Variants in MTREX observed in about 807,000 individuals in gnomAD.
MTREX encodes the protein Mtr4 exosome RNA helicase.
MTREX carries 76 observed loss-of-function variants against 135.4 expected under a neutral mutation model. That is an observed-to-expected ratio of 0.56 (90% CI 0.47 to 0.68). The LOEUF is 0.68. MTREX is among the 30% of genes least tolerant of loss of function. MTREX has a pLI of 0.00. For missense variants in MTREX, 920 were observed against 1,262.1 expected (o/e 0.73, Z 4.11); for synonymous variants, 404 against 401.6 (o/e 1.01, Z -0.07).
chr5:55,350,329 T>C (rs771319415), intron 12 of MTREX, among the ~76,000 whole-genome samples: 24 of 152,344 alleles, frequency 1.6e-4, no homozygotes, highest in South Asian at 6.2e-4. Flanking sequence ...TGTGATAACA[T>C]GTTTCTTGCT....
chr5:55,369,880 G>A (rs1007948684), intron 16 of MTREX, among the ~76,000 whole-genome samples: 3 of 151,262 alleles, frequency 2.0e-5, no homozygotes, highest in African/African-American at 7.3e-5. Flanking sequence ...TAATCTAGCC[G>A]CTCTTCTAAT....
At chr5:55,338,209 A>G (rs1400662014) in intron 5 of MTREX, among the ~76,000 whole-genome samples, 2 of 152,146 alleles carry the variant, frequency 1.3e-5, no homozygotes, top group Non-Finnish European at 2.9e-5. Context: ...GGTTTTTAAT[A>G]AATATTTCTT....
chr5:55,338,490 C>T (rs1342133689), intron 5 of MTREX, among the ~76,000 whole-genome samples: 2 of 150,694 alleles, frequency 1.3e-5, no homozygotes, highest in Non-Finnish European at 3.0e-5. Flanking sequence ...TTCTTTTTTG[C>T]TTTTTCATGC....
Position 55,425,124 on chromosome 5 carries a change from A to G in MTREX, c.*352A>G, listed in dbSNP as rs757810997. 1 of 1,501,390 alleles carries G rather than the reference A, an allele frequency of 6.7e-7. No homozygotes were observed. 93.0% of individuals were successfully genotyped at this position (1,501,390 alleles called of 1,614,324 possible). A position where few individuals can be genotyped will look rare whatever the true frequency, so the allele number is the denominator to read the frequency against. Reference sequence around the variant, plus strand: ...AGTCTTTAAAGGCTTGTACACCAGGAAGAAAGATGCATCCTCTTGCCTTGT... The same window carrying G: ...AGTCTTTAAAGGCTTGTACACCAGGGAGAAAGATGCATCCTCTTGCCTTGT... On this transcript the variant is annotated 3_prime_UTR_variant, in exon 27 of 27. Transcript: ENST00000230640.
chr5:55,338,836 G>A (rs1199992871), intron 5 of MTREX, among the ~76,000 whole-genome samples: 1 of 134,618 alleles, frequency 7.4e-6, no homozygotes, highest in African/African-American at 2.9e-5. Flanking sequence ...TGTCACCCAG[G>A]CTGGAGTACA....
At chr5:55,389,096 T>C (rs1750524859) in intron 19 of MTREX, among the ~76,000 whole-genome samples, 2 of 152,228 alleles carry the variant, frequency 1.3e-5, no homozygotes, top group Admixed American at 1.3e-4. Flanking sequence ...TTTGGTCTCC[T>C]TTTCTTAGTA....
intron 22 of MTREX, among the ~76,000 whole-genome samples, chr5:55,406,456 A>G (rs998044625): frequency 1.3e-5 from 2 of 152,202 alleles, no homozygotes; most frequent in South Asian, 2.1e-4. Context: ...TGAAGGCTCC[A>G]GTGTGAGTCT....
chr5:55,369,919 T>C (rs1360145229), intron 16 of MTREX, among the ~76,000 whole-genome samples: 1 of 151,768 alleles, frequency 6.6e-6, no homozygotes, highest in Non-Finnish European at 1.5e-5. Flanking sequence ...TTTTTTCTTT[T>C]TTTTTTTTTC....
intron 16 of MTREX, among the ~76,000 whole-genome samples, chr5:55,368,952 A>G (rs961150151): frequency 1.3e-5 from 2 of 152,176 alleles, no homozygotes; most frequent in African/African-American, 4.8e-5. Flanking sequence ...AAATCATATT[A>G]CATTTTATTA....
chr5:55,424,436 C>T (rs1030514920), intron 26 of MTREX: 9 of 222,412 alleles, frequency 4.0e-5, no homozygotes, highest in East Asian at 1.8e-4. Context: ...TGAGCTACTG[C>T]GCCCGACCTA....
intron 16 of MTREX, among the ~76,000 whole-genome samples, chr5:55,371,989 G>T (rs552719304): frequency 2.6e-5 from 4 of 151,952 alleles, no homozygotes; most frequent in Non-Finnish European, 5.9e-5. Flanking sequence ...AAATCTTCCT[G>T]GATGCTTCCC....
In MTREX at chr5:55,424,710, T is replaced by C. The variant is rs768430976; in HGVS notation, c.3077-10T>C. 1 of 1,607,092 alleles carries C rather than the reference T, an allele frequency of 6.2e-7. No individual in the cohort carries two copies. Among genetic ancestry groups the C allele is most frequent in the East Asian group, 2.2e-5 (1 of 44,822 alleles). ...CTTGAAAGTTTAAACCTTACTTTCT[T>C]TTCTCTTAGGAATCACCAAAATCAA... On this transcript the variant is annotated splice_polypyrimidine_tract_variant and intron_variant, in intron 26 of 26. Coordinates refer to ENST00000230640, the MANE Select transcript of MTREX (RefSeq NM_015360.5).
chr5:55,346,519 T>G (rs1219902924), intron 10 of MTREX, among the ~76,000 whole-genome samples: 1 of 152,244 alleles, frequency 6.6e-6, no homozygotes, highest in Non-Finnish European at 1.5e-5. Context: ...TATGTCTGAT[T>G]ATAGTCATCC....
intron 5 of MTREX, among the ~76,000 whole-genome samples, chr5:55,338,610 G>C (rs1289179169): frequency 6.7e-6 from 1 of 149,274 alleles, no homozygotes; most frequent in Non-Finnish European, 1.5e-5. Context: ...TGAGATACTT[G>C]AGGATGTCTT....
intron 16 of MTREX, among the ~76,000 whole-genome samples, chr5:55,375,241 GA>G: frequency 1.3e-5 from 2 of 152,334 alleles, no homozygotes; most frequent in South Asian, 4.1e-4. Flanking sequence ...CAACCGGTCT[GA>G]CCAAAATTTA....
At chr5:55,329,595 C>T (rs936086626) in intron 5 of MTREX, among the ~76,000 whole-genome samples, 14 of 152,180 alleles carry the variant, frequency 9.2e-5, no homozygotes, top group African/African-American at 3.4e-4. Flanking sequence ...TATTGTAGTG[C>T]AGTTCTACTG....
chr5:55,424,937 A>G lies in MTREX; in HGVS notation c.*165A>G, dbSNP rs1244752252. On this transcript the variant is annotated 3_prime_UTR_variant, in exon 27 of 27. Transcript: ENST00000230640. ...AAGCATATTACATACATGTTTATAC[A>G]TAAGCATTACATTTTTTTAATAAAA... is the stretch of plus-strand genomic sequence containing the variant. 7.9e-6 allele frequency: 5 copies of G among 633,818 alleles called. No individual in the cohort carries two copies. The highest frequency in any genetic ancestry group is 3.0e-5 in the Admixed American group (1 of 33,152). The allele number at this position is 633,818 out of a possible 1,614,324, so 39.3% of individuals were successfully genotyped here.
At chr5:55,420,652 A>G (rs1349058137) in intron 25 of MTREX, among the ~76,000 whole-genome samples, 1 of 152,238 alleles carries the variant, frequency 6.6e-6, no homozygotes, top group Non-Finnish European at 1.5e-5. Context: ...TGAAATGTCC[A>G]GAGTAAGCAG....
chr5:55,345,943 A>C (rs1749725591), intron 10 of MTREX, among the ~76,000 whole-genome samples: 1 of 152,136 alleles, frequency 6.6e-6, no homozygotes, highest in Admixed American at 6.5e-5. Context: ...ATGGGATTAC[A>C]GGTGTGAGCC....
Sources: allele counts gnomAD v4.1 joint callset (sites outside exome capture counted in the v4.1 genomes callset), GRCh38; gene constraint gnomAD v4.1.1; transcripts MANE v1.5; gene names NCBI Gene and HGNC (gene_info 2026-07-23, HGNC 2026-07-21).